Variants in DCDC2 observed in about 807,000 individuals in gnomAD.
DCDC2 encodes doublecortin domain containing 2.
In DCDC2, 40 loss-of-function variants were observed where a neutral mutation model predicts 50.2. The observed-to-expected ratio is 0.80, with a 90% CI of 0.62 to 1.04. The LOEUF (loss-of-function observed/expected upper bound fraction) is 1.04. DCDC2 is among the 50% of genes least tolerant of loss of function. DCDC2 has a pLI of 0.00. For missense variants in DCDC2, 570 were observed against 581.9 expected, an observed-to-expected ratio of 0.98 and a Z score of 0.21; for synonymous variants, 234 against 210.6, an observed-to-expected ratio of 1.11 and a Z score of -0.96.
chr6:24,259,651 A>C (rs142903651), intron 7 of DCDC2, among the ~76,000 whole-genome samples: 2,207 of 152,310 alleles, frequency 0.014, 17 homozygotes, highest in Middle Eastern at 0.044. Flanking sequence ...AAAATGCATT[A>C]GAGATTTAAA....
intron 7 of DCDC2, among the ~76,000 whole-genome samples, chr6:24,208,363 C>CTTTTTT (rs34475687): frequency 1.1e-3 from 92 of 84,410 alleles, no homozygotes; most frequent in Admixed American, 1.7e-3. Context: ...CTCTGTGCTA[C>CTTTTTT]TTTTTTTTTT....
At chr6:24,210,431 T>G (rs1352385784) in intron 7 of DCDC2, among the ~76,000 whole-genome samples, 1 of 152,170 alleles carries the variant, frequency 6.6e-6, no homozygotes, top group African/African-American at 2.4e-5. Flanking sequence ...ATCCCCCAGA[T>G]TCCCCAACCC....
intron 7 of DCDC2, among the ~76,000 whole-genome samples, chr6:24,224,193 C>G (rs1762177864): frequency 6.6e-6 from 1 of 152,212 alleles, no homozygotes; most frequent in Admixed American, 6.5e-5. Context: ...TAAACACTTT[C>G]ATCAGTTCAT....
chr6:24,228,465 T>C (rs1345352779), intron 7 of DCDC2, among the ~76,000 whole-genome samples: 1 of 152,232 alleles, frequency 6.6e-6, no homozygotes, highest in Non-Finnish European at 1.5e-5. Context: ...AATGAAGCTT[T>C]TACTGCCTGC....
chr6:24,180,547 C>CAA lies in DCDC2; in HGVS notation c.1024-1917_1024-1916dup, dbSNP rs1761048039. Among the ~76,000 whole-genome samples, 4 of 152,146 alleles carry CAA rather than the reference C, an allele frequency of 2.6e-5. No individual in the cohort carries two copies. The South Asian group carries it at 8.3e-4, about 32-fold the overall frequency. On this transcript the variant is annotated intron_variant, in intron 8 of 9. Coordinates refer to ENST00000378454, the MANE Select transcript of DCDC2 (RefSeq NM_016356.5). ...TTGTGATCCACCTGCCTCAGCCTCC[C>CAA]AAAGTGCTGGGATTACAGGCATGAG...
At chr6:24,358,731 T>TA (rs1397028476), upstream of DCDC2, among the ~76,000 whole-genome samples, 86 of 11,606 alleles carry the variant, frequency 7.4e-3, 2 homozygotes, top group African/African-American at 0.013. Context: ...TATATTTTAT[T>TA]TTATATATAT....
rs953804971 is a variant in DCDC2 at position 24,172,108 on chromosome 6, A to G, written c.*2622T>C. ...ACGGAGACCACCATTCTCCACAGAG[A>G]AAACTGCCACATTTGTGAGGTGAAT... On this transcript the variant is annotated 3_prime_UTR_variant, in exon 10 of 10. Transcript: ENST00000378454. 2.6e-5 allele frequency: 4 copies of G among 152,196 alleles called. No individual in the cohort carries two copies. Among genetic ancestry groups the G allele is most frequent in the African/African-American group, 9.7e-5 (4 of 41,448 alleles). 9.4% of individuals were successfully genotyped at this position (152,196 alleles called of 1,614,324 possible). A position where few individuals can be genotyped will look rare whatever the true frequency, so the allele number is the denominator to read the frequency against.
Position 24,172,276 on chromosome 6 carries a change from C to T in DCDC2, c.*2454G>A, listed in dbSNP as rs1398615843. 1 of 152,182 alleles carries T rather than the reference C, an allele frequency of 6.6e-6. No homozygotes were observed. Among genetic ancestry groups the T allele is most frequent in the African/African-American group, 2.4e-5 (1 of 41,438 alleles). The allele number at this position is 152,182 out of a possible 1,614,324, so 9.4% of individuals were successfully genotyped here. On this transcript the variant is annotated 3_prime_UTR_variant, in exon 10 of 10. Coordinates refer to ENST00000378454, the MANE Select transcript of DCDC2 (RefSeq NM_016356.5). Reference sequence around the variant, plus strand: ...CTTAAAGTGATAAGTCGTTATTCATCCCCTCAAAGTAGGTCACAATTGTAT... The same window carrying T: ...CTTAAAGTGATAAGTCGTTATTCATTCCCTCAAAGTAGGTCACAATTGTAT...
chr6:24,371,724 A>T, the DCDC2 span, among the ~76,000 whole-genome samples: 1 of 152,238 alleles, frequency 6.6e-6, no homozygotes, highest in African/African-American at 2.4e-5. Context: ...CAACCTACTC[A>T]TCTGACAAAG....
chr6:24,213,645 G>A (rs200526055), intron 7 of DCDC2, among the ~76,000 whole-genome samples: 7 of 152,236 alleles, frequency 4.6e-5, no homozygotes, highest in African/African-American at 7.2e-5. Flanking sequence ...TACAGATATA[G>A]ATTGTTGTCA....
chr6:24,274,859 C>T (rs1344693616), intron 7 of DCDC2, among the ~76,000 whole-genome samples: 1 of 151,866 alleles, frequency 6.6e-6, no homozygotes, highest in East Asian at 1.9e-4. Context: ...AGGTAAAGAA[C>T]ACTAGATCAA....
At chr6:24,214,280 C>T (rs1348638847) in intron 7 of DCDC2, among the ~76,000 whole-genome samples, 1 of 152,064 alleles carries the variant, frequency 6.6e-6, no homozygotes, top group Non-Finnish European at 1.5e-5. Flanking sequence ...GTTATTTAAC[C>T]TTAACTTTAA....
chr6:24,328,235 G>A (rs1357263918), intron 2 of DCDC2, among the ~76,000 whole-genome samples: 1 of 152,200 alleles, frequency 6.6e-6, no homozygotes, highest in Non-Finnish European at 1.5e-5. Context: ...CTGGCACTGA[G>A]TTGTTGACAA....
the DCDC2 span, among the ~76,000 whole-genome samples, chr6:24,374,209 A>G: frequency 6.6e-6 from 1 of 151,346 alleles, no homozygotes; most frequent in African/African-American, 2.4e-5. Flanking sequence ...AGAAGAGTGC[A>G]TAAGTTGGAA....
the DCDC2 span, among the ~76,000 whole-genome samples, chr6:24,369,117 GA>G: frequency 9.5e-6 from 1 of 105,274 alleles, no homozygotes; most frequent in Non-Finnish European, 1.8e-5. Flanking sequence ...CTGGGAGAAA[GA>G]GTAAGACTCT....
At chr6:24,341,393 T>C (rs1760151358) in intron 2 of DCDC2, among the ~76,000 whole-genome samples, 3 of 152,146 alleles carry the variant, frequency 2.0e-5, no homozygotes, top group Non-Finnish European at 2.9e-5. Context: ...GCTGGCTGCT[T>C]ATAAAGGAGG....
At chr6:24,221,430 C>A (rs925546089) in intron 7 of DCDC2, among the ~76,000 whole-genome samples, 1 of 152,192 alleles carries the variant, frequency 6.6e-6, no homozygotes, top group Non-Finnish European at 1.5e-5. Context: ...CAAGACACAA[C>A]GTGATGGCCA....
At chr6:24,281,101 T>C (rs899484987) in intron 6 of DCDC2, among the ~76,000 whole-genome samples, 1 of 152,026 alleles carries the variant, frequency 6.6e-6, no homozygotes, top group Non-Finnish European at 1.5e-5. Flanking sequence ...TGTTTATGAA[T>C]AGACAGGAAA....
rs57175093 is a variant in DCDC2 at position 24,318,780 on chromosome 6, C to CGTGTGTGTGTGTGTGTGTGTGTGTGT, written c.349-16737_349-16736insACACACACACACACACACACACACAC. On this transcript the variant is annotated intron_variant, in intron 2 of 9. Coordinates refer to ENST00000378454, the MANE Select transcript of DCDC2 (RefSeq NM_016356.5). ...AATAATATTCCGTTTTATATACGTACGTGTGTGTGTGTGTGTGTGTATTAT... is the reference window on the plus strand; with the variant it reads ...AATAATATTCCGTTTTATATACGTACGTGTGTGTGTGTGTGTGTGTGTGTGTGTGTGTGTGTGTGTGTGTGTATTAT... Among the ~76,000 whole-genome samples the CGTGTGTGTGTGTGTGTGTGTGTGTGT allele has an allele frequency of 4.7e-3, 698 of 149,656 alleles. 7 individuals are homozygous for CGTGTGTGTGTGTGTGTGTGTGTGTGT. The highest frequency in any genetic ancestry group is 0.016 in the African/African-American group (661 of 40,572).
Sources: allele counts gnomAD v4.1 joint callset (sites outside exome capture counted in the v4.1 genomes callset), GRCh38; gene constraint gnomAD v4.1.1; transcripts MANE v1.5; gene names NCBI Gene and HGNC (gene_info 2026-07-23, HGNC 2026-07-21).